ADAMTSL1: variants seen among roughly 807,000 people sequenced by gnomAD.
The protein encoded by ADAMTSL1 is ADAMTS like 1.
A neutral mutation model predicts 201.8 loss-of-function variants in ADAMTSL1; 126 were observed. The ratio of observed to expected loss-of-function variants is 0.62; its 90% CI spans 0.54 to 0.72. The LOEUF is 0.72. Ranked by LOEUF, ADAMTSL1 falls within the 30% of genes least tolerant of loss-of-function variation. The pLI, the probability that ADAMTSL1 is intolerant of heterozygous loss-of-function variation, is 0.00. For synonymous variants in ADAMTSL1, 1,121 were observed against 903.4 expected (o/e 1.24, Z -4.32); for missense variants, 2,679 against 2,277.8 (o/e 1.18, Z -3.59).
At chr9:18,311,566 C>G (rs1294013825) in intron 2 of ADAMTSL1, among the ~76,000 whole-genome samples, 1 of 152,046 alleles carries the variant, frequency 6.6e-6, no homozygotes, top group Non-Finnish European at 1.5e-5. Flanking sequence ...TTCCCTAGGC[C>G]TGAACTGCTG....
intron 20 of ADAMTSL1, among the ~76,000 whole-genome samples, chr9:18,800,986 AT>A (rs79112248): frequency 0.27 from 41,802 of 152,072 alleles, 6,028 homozygotes; most frequent in South Asian, 0.39. Flanking sequence ...TGGCAAAAAA[AT>A]ATCTGAATAT....
chr9:18,890,523 A>G (rs962091631), intron 25 of ADAMTSL1: 9 of 455,898 alleles, frequency 2.0e-5, no homozygotes, highest in East Asian at 1.4e-4. Context: ...CTTTCATACA[A>G]TACTTAGGCA....
intron 1 of ADAMTSL1, among the ~76,000 whole-genome samples, chr9:18,103,096 T>C (rs1824602597): frequency 6.6e-6 from 1 of 152,218 alleles, no homozygotes; most frequent in Admixed American, 6.5e-5. Context: ...ATGATTTCTC[T>C]ATATTCCTGG....
At chr9:18,265,476 A>T in intron 2 of ADAMTSL1, among the ~76,000 whole-genome samples, 1 of 152,238 alleles carries the variant, frequency 6.6e-6, no homozygotes, top group Middle Eastern at 3.4e-3. Flanking sequence ...CTCCCACTAC[A>T]TGAAGCCAGG....
At chr9:18,112,523 C>T (rs911687425) in intron 1 of ADAMTSL1, among the ~76,000 whole-genome samples, 18 of 151,238 alleles carry the variant, frequency 1.2e-4, no homozygotes, top group Admixed American at 2.0e-4. Context: ...CACTTTTCCT[C>T]GCCTGTGCTT....
intron 17 of ADAMTSL1, among the ~76,000 whole-genome samples, chr9:18,775,496 C>T (rs1820922674): frequency 1.3e-5 from 2 of 152,270 alleles, no homozygotes; most frequent in South Asian, 4.2e-4. Context: ...AACTCTGAAG[C>T]CCAGACTATA....
intron 1 of ADAMTSL1, among the ~76,000 whole-genome samples, chr9:17,993,760 C>T (rs1310295106): frequency 2.0e-5 from 3 of 152,114 alleles, no homozygotes; most frequent in African/African-American, 7.2e-5. Context: ...TTACATTCTG[C>T]AAATTTTTGT....
At chr9:18,339,864 C>T (rs891966821) in intron 2 of ADAMTSL1, among the ~76,000 whole-genome samples, 1 of 152,152 alleles carries the variant, frequency 6.6e-6, no homozygotes, top group Non-Finnish European at 1.5e-5. Flanking sequence ...ATCCACCTCT[C>T]ATTCTCATTT....
chr9:17,954,902 C>G (rs1827872374), intron 1 of ADAMTSL1, among the ~76,000 whole-genome samples: 1 of 152,134 alleles, frequency 6.6e-6, no homozygotes, highest in Admixed American at 6.5e-5. Flanking sequence ...GACCTGGAGT[C>G]TGTCAAGCCA....
chr9:18,145,935 C>T (rs1826620383), intron 1 of ADAMTSL1, among the ~76,000 whole-genome samples: 1 of 152,046 alleles, frequency 6.6e-6, no homozygotes, highest in South Asian at 2.1e-4. Context: ...CTTGAATAGA[C>T]ACTGCATCAA....
chr9:18,276,505 CAT>C (rs1346370462), intron 2 of ADAMTSL1, among the ~76,000 whole-genome samples: 3 of 152,110 alleles, frequency 2.0e-5, no homozygotes, highest in African/African-American at 7.2e-5. Context: ...TTCAAATTAA[CAT>C]GTGTGTTATT....
At chr9:18,899,161 G>C (rs1281384848) in intron 26 of ADAMTSL1, among the ~76,000 whole-genome samples, 1 of 152,044 alleles carries the variant, frequency 6.6e-6, no homozygotes, top group Non-Finnish European at 1.5e-5. Flanking sequence ...CAACAGGCAA[G>C]CAGAGAGCCA....
chr9:18,161,242 A>G (rs919321490), intron 1 of ADAMTSL1, among the ~76,000 whole-genome samples: 1 of 151,910 alleles, frequency 6.6e-6, no homozygotes, highest in Non-Finnish European at 1.5e-5. Context: ...TTTATATTTG[A>G]TGTCTTACTA....
intron 2 of ADAMTSL1, among the ~76,000 whole-genome samples, chr9:18,226,797 T>C (rs1214276578): frequency 6.6e-6 from 1 of 152,132 alleles, no homozygotes; most frequent in Non-Finnish European, 1.5e-5. Context: ...ATTGAAATGT[T>C]TTATTTTAAT....
chr9:17,954,880 T>G (rs947901898), intron 1 of ADAMTSL1, among the ~76,000 whole-genome samples: 3 of 152,174 alleles, frequency 2.0e-5, no homozygotes, highest in Non-Finnish European at 2.9e-5. Flanking sequence ...GTTCAGCTAT[T>G]TGAAGATGCT....
At chr9:18,546,556 C>T (rs965105637) in intron 3 of ADAMTSL1, among the ~76,000 whole-genome samples, 1 of 152,128 alleles carries the variant, frequency 6.6e-6, no homozygotes, top group Admixed American at 6.6e-5. Context: ...ACCAAAAAAA[C>T]TTATTCCTTC....
In ADAMTSL1 at chr9:18,910,283, A is replaced by G. The variant is rs1830529390; in HGVS notation, c.*1735A>G. 6.6e-6 allele frequency: 1 copy of G among 152,236 alleles called. No homozygotes were observed. The highest frequency in any genetic ancestry group is 2.4e-5 in the African/African-American group (1 of 41,470). The allele number at this position is 152,236 out of a possible 1,614,324, so 9.4% of individuals were successfully genotyped here. ...GTGTAAAGTCTGTTTAAAATAAAAA[A>G]GAATGTTTTCTATGTCTGTATATCT... On this transcript the variant is annotated 3_prime_UTR_variant, in exon 29 of 29. Coordinates refer to ENST00000380548, the MANE Select transcript of ADAMTSL1 (RefSeq NM_001040272.6).
intron 2 of ADAMTSL1, among the ~76,000 whole-genome samples, chr9:18,227,213 G>T (rs1052828155): frequency 1.3e-5 from 2 of 151,792 alleles, no homozygotes; most frequent in African/African-American, 2.4e-5. Context: ...ATGCTAAATC[G>T]CTTATGTTCT....
chr9:18,162,709 C>T (rs1827448563), intron 1 of ADAMTSL1, among the ~76,000 whole-genome samples: 1 of 151,530 alleles, frequency 6.6e-6, no homozygotes, highest in African/African-American at 2.4e-5. Context: ...TATAAACATC[C>T]ACATATTCAT....
Sources: gnomAD v4.1 joint callset for allele counts (sites outside exome capture counted in the v4.1 genomes callset) on GRCh38, gnomAD v4.1.1 for gene constraint, MANE v1.5 for transcripts, NCBI Gene and HGNC (gene_info 2026-07-23, HGNC 2026-07-21) for gene names.